Variants in MYO6 observed in about 807,000 individuals in gnomAD.
MYO6 encodes myosin VI.
In MYO6, 74 loss-of-function variants were observed where a neutral mutation model predicts 178.7. The ratio of observed to expected loss-of-function variants is 0.41; its 90% CI spans 0.34 to 0.50. The LOEUF is 0.50. Among genes scored for constraint, MYO6 ranks in the 20% least tolerant of loss-of-function variants. MYO6 has a pLI of 0.09. For synonymous variants in MYO6, 477 were observed against 504.6 expected, an observed-to-expected ratio of 0.95 and a Z score of 0.73; for missense variants, 1,330 against 1,547.4, an observed-to-expected ratio of 0.86 and a Z score of 2.36.
intron 1 of MYO6, among the ~76,000 whole-genome samples, chr6:75,796,142 A>G (rs3798451): frequency 0.056 from 8,577 of 152,178 alleles, 536 homozygotes; most frequent in African/African-American, 0.15. Context: ...CTTTTTTCCC[A>G]CATCATATTA....
chr6:75,794,207 T>G (rs1162407318), intron 1 of MYO6, among the ~76,000 whole-genome samples: 1 of 152,026 alleles, frequency 6.6e-6, no homozygotes, highest in Non-Finnish European at 1.5e-5. Flanking sequence ...AGGAGAACAT[T>G]AAATTATAGA....
chr6:75,911,881 A>G (rs1177048949), intron 33 of MYO6, among the ~76,000 whole-genome samples, 183 bp downstream of exon 33: 5 of 152,152 alleles, frequency 3.3e-5, no homozygotes, highest in African/African-American at 1.2e-4. Context: ...GGATCACTCC[A>G]ATATGTATAT....
chr6:75,886,986 A>C lies in MYO6; in HGVS notation c.2650A>C (p.Lys884Gln). The C allele has an allele frequency of 6.2e-7, 1 of 1,612,972 alleles. No individual in the cohort carries two copies. The highest frequency in any genetic ancestry group is 8.5e-7 in the Non-Finnish European group (1 of 1,179,144). ...AATTTCTATTGATACTTTGATGGCC[A>C]AAATTAAGGTATGTAATTTCAACCC... The part of the protein sequence containing the change: ...LEISIDTLMA[K>Q]IKSTMMTQEQ... Residue 884 changes from lysine (K) to glutamine (Q), a missense_variant, in exon 25 of 35, where the codon AAA becomes CAA. Physicochemically the swap from Lys to Gln is moderately conservative, Grantham distance 53. Around this residue, in one of 3 missense-constraint regions of MYO6, gnomAD observed 601 missense variants for 626.1 expected, o/e 0.96. Transcript: ENST00000369977.
intron 3 of MYO6, among the ~76,000 whole-genome samples, chr6:75,823,373 T>C (rs1772105460): frequency 6.6e-6 from 1 of 152,214 alleles, no homozygotes; most frequent in South Asian, 2.1e-4. Flanking sequence ...AAAGCTCTTC[T>C]CGATGGAACA....
chr6:75,915,238 T>C lies in MYO6; in HGVS notation c.*226T>C. On this transcript the variant is annotated 3_prime_UTR_variant, in exon 35 of 35. Transcript: ENST00000369977. ...CCCGCTGTAATTCCCAAAACTCTCA[T>C]TATTCTCTAACTATTACACATGGGC... 1.8e-6 allele frequency: 1 copy of C among 569,180 alleles called. No individual in the cohort carries two copies. The highest frequency in any genetic ancestry group is 3.1e-6 in the Non-Finnish European group (1 of 318,426). 35.3% of individuals were successfully genotyped at this position (569,180 alleles called of 1,614,324 possible). A position where few individuals can be genotyped will look rare whatever the true frequency, so the allele number is the denominator to read the frequency against.
At position 75,854,275 on chromosome 6, in the gene MYO6, C is replaced by CTTTTTTTTTTTTTTTTTT. The variant is rs61398235; in HGVS notation, c.1079-849_1079-832dup. 1.1e-4 allele frequency among the ~76,000 whole-genome samples: 5 copies of CTTTTTTTTTTTTTTTTTT among 45,500 alleles called. 1 individual carries two copies. Among genetic ancestry groups the CTTTTTTTTTTTTTTTTTT allele is most frequent in the African/African-American group, 2.2e-4 (2 of 9,100 alleles). 29.8% of individuals were successfully genotyped at this position (45,500 alleles called of 152,430 possible). On this transcript the variant is annotated intron_variant, in intron 11 of 34. Transcript: ENST00000369977. ...CATGGGTCAAGACCTAACTGCATTG[C>CTTTTTTTTTTTTTTTTTT]TTTTTTTTTTTTTTTTTTTTTTTTT...
intron 1 of MYO6, among the ~76,000 whole-genome samples, chr6:75,795,810 G>A (rs1768755194): frequency 6.6e-6 from 1 of 152,160 alleles, no homozygotes; most frequent in Non-Finnish European, 1.5e-5. Context: ...TGTTAAATTG[G>A]AGGGCAAGTG....
At chr6:75,764,259 C>T (rs1778203555) in intron 1 of MYO6, among the ~76,000 whole-genome samples, 1 of 152,136 alleles carries the variant, frequency 6.6e-6, no homozygotes, top group Non-Finnish European at 1.5e-5. Flanking sequence ...TATCTTGCCC[C>T]ACTTTTTCAC....
chr6:75,775,637 A>G (rs1172523488), intron 1 of MYO6, among the ~76,000 whole-genome samples: 1 of 152,218 alleles, frequency 6.6e-6, no homozygotes, highest in Non-Finnish European at 1.5e-5. Flanking sequence ...TATATGACCT[A>G]TAAAAGGGTC....
At chr6:75,782,521 T>C (rs1767089030) in intron 1 of MYO6, among the ~76,000 whole-genome samples, 1 of 152,200 alleles carries the variant, frequency 6.6e-6, no homozygotes, top group African/African-American at 2.4e-5. Flanking sequence ...TCATTTCATA[T>C]GGTGATTATT....
intron 1 of MYO6, among the ~76,000 whole-genome samples, chr6:75,816,557 A>G (rs972163335): frequency 2.0e-5 from 3 of 152,214 alleles, no homozygotes; most frequent in African/African-American, 4.8e-5. Context: ...ATATTCGTCA[A>G]CTTGTATACT....
intron 9 of MYO6, among the ~76,000 whole-genome samples, chr6:75,843,737 T>G (rs1353582219): frequency 6.6e-6 from 1 of 151,720 alleles, no homozygotes; most frequent in African/African-American, 2.4e-5. Context: ...CTCTTTTATT[T>G]TTTTCCCAAA....
At chr6:75,770,664 A>T (rs940051590) in intron 1 of MYO6, among the ~76,000 whole-genome samples, 1 of 152,182 alleles carries the variant, frequency 6.6e-6, no homozygotes, top group Non-Finnish European at 1.5e-5. Context: ...TTTAGTAGAC[A>T]TGGGGCTTCG....
At chr6:75,910,223 G>A (rs1227469284) in intron 32 of MYO6, among the ~76,000 whole-genome samples, 1 of 152,174 alleles carries the variant, frequency 6.6e-6, no homozygotes, top group East Asian at 1.9e-4. Context: ...TGCAAAAAAT[G>A]ACAGTGAGCT....
At chr6:75,892,412 C>G in intron 27 of MYO6, 118 bp from the exon 28 acceptor site, 1 of 1,321,354 alleles carries the variant, frequency 7.6e-7, no homozygotes, top group Non-Finnish European at 1.1e-6. Flanking sequence ...TTAAGCAATT[C>G]TTTAGTAAAG....
At chr6:75,894,230 G>T (rs1562296309) in intron 28 of MYO6, among the ~76,000 whole-genome samples, 1 of 152,182 alleles carries the variant, frequency 6.6e-6, no homozygotes, top group Non-Finnish European at 1.5e-5. Context: ...CCCATCTTCA[G>T]AAAGGTACAT....
intron 10 of MYO6, among the ~76,000 whole-genome samples, chr6:75,848,037 T>A (rs930560444): frequency 2.0e-5 from 3 of 152,152 alleles, no homozygotes; most frequent in African/African-American, 4.8e-5. Context: ...TTTGTCTTTT[T>A]CTAATATGCT....
At position 75,915,080 on chromosome 6, in the gene MYO6, A is replaced by G. The variant is rs1186284282; in HGVS notation, c.*68A>G. On this transcript the variant is annotated 3_prime_UTR_variant, in exon 35 of 35. Coordinates refer to ENST00000369977, the MANE Select transcript of MYO6 (RefSeq NM_004999.4). ...ACTTAGGTAGGGTGTGTGCCCCCAG[A>G]TTTAACCATTCCATAATCATGTTAG... The G allele has an allele frequency of 1.5e-6, 2 of 1,374,084 alleles. No homozygotes were observed. The highest frequency in any genetic ancestry group is 2.0e-6 in the Non-Finnish European group (2 of 985,058). The allele number at this position is 1,374,084 out of a possible 1,614,324, so 85.1% of individuals were successfully genotyped here.
At chr6:75,912,188 A>C (rs1252314616) in intron 33 of MYO6, among the ~76,000 whole-genome samples, 2 of 152,052 alleles carry the variant, frequency 1.3e-5, no homozygotes, top group African/African-American at 2.4e-5. Context: ...TTATTCTGTT[A>C]CGTTTATAGC....
Sources: gnomAD v4.1 joint callset for allele counts (sites outside exome capture counted in the v4.1 genomes callset) on GRCh38, gnomAD v4.1.1 for gene constraint, gnomAD v4.1.1 regional missense constraint, MANE v1.5 for transcripts, NCBI Gene and HGNC (gene_info 2026-07-23, HGNC 2026-07-21) for gene names.